The following SOX6 variants were observed in gnomAD, a reference collection of about 807,000 sequenced individuals.
SOX6 encodes the protein SRY-box transcription factor 6.
A neutral mutation model predicts 97.8 loss-of-function variants in SOX6; 11 were observed. The ratio of observed to expected loss-of-function variants is 0.11; its 90% CI spans 0.07 to 0.19. SOX6 has a LOEUF of 0.19. SOX6 is among the 10% of genes least tolerant of loss of function. SOX6 has a pLI of 1.00. For synonymous variants in SOX6, 360 were observed against 371.4 expected, an observed-to-expected ratio of 0.97 and a Z score of 0.35; for missense variants, 810 against 1,039.5, an observed-to-expected ratio of 0.78 and a Z score of 3.04.
chr11:16,426,255 CAAAAAAAAAAAAAAAAAAAAAAA>C (rs869158484), intron 1 of SOX6, among the ~76,000 whole-genome samples: 5 of 29,270 alleles, frequency 1.7e-4, no homozygotes, highest in East Asian at 1.4e-3. Flanking sequence ...GACTCCATCT[CAAAAAAAAAAAAAAAAAAAAAAA>C]AAAAAAAAAA....
upstream of SOX6, among the ~76,000 whole-genome samples, chr11:16,360,431 G>A (rs1359264374): frequency 7.2e-5 from 11 of 152,056 alleles, no homozygotes; most frequent in Admixed American, 1.3e-4. Flanking sequence ...TTCCTATCAC[G>A]ATTACTTGTG....
At chr11:16,129,893 C>T (rs1271970268) in intron 6 of SOX6, among the ~76,000 whole-genome samples, 1 of 152,000 alleles carries the variant, frequency 6.6e-6, no homozygotes, top group East Asian at 1.9e-4. Context: ...TAAGATCAGA[C>T]AAAATAGGCA....
At chr11:15,979,986 G>C (rs556552780) in intron 15 of SOX6, among the ~76,000 whole-genome samples, 1 of 152,154 alleles carries the variant, frequency 6.6e-6, no homozygotes, top group Non-Finnish European at 1.5e-5. Flanking sequence ...CCAGAACTCA[G>C]ACTGCTTGTA....
intron 9 of SOX6, among the ~76,000 whole-genome samples, chr11:16,074,348 C>T (rs757855996): frequency 4.6e-5 from 7 of 151,896 alleles, no homozygotes; most frequent in Non-Finnish European, 8.8e-5. Flanking sequence ...TAGAAAAAAA[C>T]GGATAAATTC....
At chr11:16,639,057 A>C in intron 3 of SOX6, among the ~76,000 whole-genome samples, 1 of 152,196 alleles carries the variant, frequency 6.6e-6, no homozygotes, top group Non-Finnish European at 1.5e-5. Flanking sequence ...TTTTAGGTCT[A>C]ACATTTAAGT....
At chr11:16,620,777 T>C (rs1848535233) in intron 3 of SOX6, among the ~76,000 whole-genome samples, 1 of 152,130 alleles carries the variant, frequency 6.6e-6, no homozygotes, top group South Asian at 2.1e-4. Flanking sequence ...CCACCTTTCC[T>C]GGAATAGGGC....
chr11:16,118,906 G>A (rs1849420126), intron 6 of SOX6, among the ~76,000 whole-genome samples: 1 of 152,090 alleles, frequency 6.6e-6, no homozygotes, highest in Admixed American at 6.6e-5. Context: ...ATTGAAGAAA[G>A]CTTCTTAAAC....
At chr11:16,626,546 T>C (rs1848626490) in intron 3 of SOX6, among the ~76,000 whole-genome samples, 1 of 152,174 alleles carries the variant, frequency 6.6e-6, no homozygotes, top group East Asian at 1.9e-4. Flanking sequence ...ACATATAAAT[T>C]TTAGAATCAG....
chr11:16,293,480 C>T (rs758168940), intron 3 of SOX6, among the ~76,000 whole-genome samples: 1 of 152,118 alleles, frequency 6.6e-6, no homozygotes, highest in East Asian at 1.9e-4. Context: ...TAAGAGAGCA[C>T]TGCCCTACTT....
chr11:16,103,081 TA>T (rs1848988774), intron 7 of SOX6, among the ~76,000 whole-genome samples: 1 of 151,620 alleles, frequency 6.6e-6, no homozygotes, highest in Non-Finnish European at 1.5e-5. Flanking sequence ...TCAGCAGAGT[TA>T]ACAGACAACC....
At chr11:16,248,149 A>C (rs188805318) in intron 3 of SOX6, among the ~76,000 whole-genome samples, 14 of 152,304 alleles carry the variant, frequency 9.2e-5, no homozygotes, top group African/African-American at 3.4e-4. Context: ...TGCAGATACA[A>C]AAGGTGGGCT....
chr11:15,977,392 C>T (rs974998632), intron 15 of SOX6, among the ~76,000 whole-genome samples: 4 of 152,030 alleles, frequency 2.6e-5, no homozygotes, highest in Non-Finnish European at 5.9e-5. Flanking sequence ...CTAACCACCA[C>T]ATCTTATTGT....
At chr11:16,121,433 A>G (rs1849486719) in intron 6 of SOX6, among the ~76,000 whole-genome samples, 2 of 152,026 alleles carry the variant, frequency 1.3e-5, no homozygotes, top group South Asian at 2.1e-4. Context: ...GTGAGAACCT[A>G]TCACTCTATA....
rs750785930 is a variant in SOX6 at position 15,989,174 on chromosome 11, T to C, written c.1789A>G (p.Thr597Ala). 1 of 1,614,094 alleles carries C rather than the reference T, an allele frequency of 6.2e-7. No homozygotes were observed. The highest frequency in any genetic ancestry group is 8.5e-7 in the Non-Finnish European group (1 of 1,179,944). Residue 597 changes from threonine to alanine, a missense_variant, in exon 14 of 16, where the codon ACA (threonine) becomes GCA (alanine). This residue lies in a region of SOX6 where 120 missense variants were observed against 127.0 expected (regional missense o/e 0.94). Coordinates refer to ENST00000683767, the MANE Select transcript of SOX6 (RefSeq NM_001367873.1). ...GCTTCAGCCACAGTGGCACCTCCTG[T>C]TGGCCAACAATAATACTGCTGTAGT... The part of the protein sequence containing the change: ...AKLQQYYCWP[T>A]GGATVAEARV...
At chr11:16,133,965 G>A (rs757614892) in intron 6 of SOX6, among the ~76,000 whole-genome samples, 1 of 152,182 alleles carries the variant, frequency 6.6e-6, no homozygotes, top group Non-Finnish European at 1.5e-5. Flanking sequence ...AATTACAGGC[G>A]TGAGCCACCA....
chr11:16,319,412 G>A (rs1178056910), intron 2 of SOX6, among the ~76,000 whole-genome samples: 3 of 151,916 alleles, frequency 2.0e-5, no homozygotes, highest in Non-Finnish European at 4.4e-5. Flanking sequence ...TGTGCACAAC[G>A]TGCAGGTTTT....
intron 1 of SOX6, among the ~76,000 whole-genome samples, chr11:16,404,007 T>C (rs573852642): frequency 6.6e-6 from 1 of 151,944 alleles, no homozygotes; most frequent in African/African-American, 2.4e-5. Flanking sequence ...GGTTAACTAG[T>C]GTAGGATTCT....
intron 1 of SOX6, among the ~76,000 whole-genome samples, chr11:16,391,713 G>T (rs529902333): frequency 2.0e-5 from 3 of 152,146 alleles, no homozygotes; most frequent in African/African-American, 7.2e-5. Flanking sequence ...GTATGTGAAA[G>T]ATCATATTTC....
At chr11:16,240,318 C>T (rs868271725) in intron 3 of SOX6, among the ~76,000 whole-genome samples, 1 of 53,570 alleles carries the variant, frequency 1.9e-5, no homozygotes, top group African/African-American at 7.3e-5. Flanking sequence ...GTGTGTGTGG[C>T]AGTGGAAGCT....
Sources: gnomAD v4.1 joint callset for allele counts (sites outside exome capture counted in the v4.1 genomes callset) on GRCh38, gnomAD v4.1.1 for gene constraint, gnomAD v4.1.1 regional missense constraint, MANE v1.5 for transcripts, NCBI Gene and HGNC (gene_info 2026-07-23, HGNC 2026-07-21) for gene names.